RAB40B: variants seen among roughly 807,000 people sequenced by gnomAD.
RAB40B encodes the protein ras-related protein Rab-40B.
A neutral mutation model predicts 24.0 loss-of-function variants in RAB40B; 21 were observed. The observed-to-expected ratio is 0.88, with a 90% confidence interval of 0.62 to 1.26. RAB40B has a LOEUF of 1.26. RAB40B is among the 50% of genes most tolerant of loss of function. The pLI, the probability that RAB40B is intolerant of heterozygous loss-of-function variation, is 0.00. For synonymous variants in RAB40B, 167 were observed against 169.8 expected, an observed-to-expected ratio of 0.98 and a Z score of 0.13; for missense variants, 348 against 390.5, an observed-to-expected ratio of 0.89 and a Z score of 0.92.
intron 3 of RAB40B, 88 bp from the exon 4 acceptor site, chr17:82,659,745 C>T: frequency 9.9e-7 from 1 of 1,006,384 alleles, no homozygotes; most frequent in South Asian, 1.4e-5. Context: ...ACTAAATAAC[C>T]ACTTTCCTTA....
At chr17:82,664,407 C>G in intron 2 of RAB40B, 89 bp downstream of exon 2, 1 of 1,346,592 alleles carries the variant, frequency 7.4e-7, no homozygotes, top group Non-Finnish European at 1.0e-6. Flanking sequence ...TGGGTGCTCC[C>G]CGGGGCACTG....
chr17:82,658,946 C>T (rs1598292174), intron 4 of RAB40B: 2 of 521,716 alleles, frequency 3.8e-6, no homozygotes, highest in Non-Finnish European at 6.8e-6. Flanking sequence ...AGAGAAGACA[C>T]AGACACTCGG....
At chr17:82,673,457 C>G (rs1023327676) in intron 1 of RAB40B, among the ~76,000 whole-genome samples, 2 of 8,188 alleles carry the variant, frequency 2.4e-4, no homozygotes, top group Non-Finnish European at 4.5e-4. Flanking sequence ...ATCCTTCCCT[C>G]TCTTAAGCTG....
At chr17:82,687,858 G>A (rs985151926) in intron 1 of RAB40B, among the ~76,000 whole-genome samples, 4 of 152,284 alleles carry the variant, frequency 2.6e-5, no homozygotes, top group African/African-American at 9.6e-5. Context: ...GATCGCTTGA[G>A]CCCAGAAATT....
Position 82,657,680 on chromosome 17 carries a change from A to G in RAB40B, c.*183T>C. The G allele has an allele frequency of 1.3e-6, 1 of 763,508 alleles. No individual in the cohort carries two copies. Among genetic ancestry groups the G allele is most frequent in the South Asian group, 1.4e-5 (1 of 71,548 alleles). The allele number at this position is 763,508 out of a possible 1,614,324, so 47.3% of individuals were successfully genotyped here. On this transcript the variant is annotated 3_prime_UTR_variant, in exon 6 of 6. Coordinates refer to ENST00000571995, the MANE Select transcript of RAB40B (RefSeq NM_006822.3). ...CACATCGAAAACAAGAGCTTCATGC[A>G]CATCCACGTAGAAATTCGAAGTCCG... is the stretch of plus-strand genomic sequence containing the variant.
rs1421995345 is a variant in RAB40B, at chr17:82,667,882, G to A, written c.143-3326C>T. On this transcript the variant is annotated intron_variant, in intron 1 of 5. Transcript: ENST00000571995. This position sits in a 1 kb window ranked among gnomAD's most constrained non-coding sequence, Gnocchi z 4.3. ...CTGAGCTGGCCAAACGTTTGCCACC[G>A]AGCCCAGCAGGCACGCTGAGTGCAC... 6.6e-6 allele frequency among the ~76,000 whole-genome samples: 1 copy of A among 152,154 alleles called. No homozygotes were observed. Among genetic ancestry groups the A allele is most frequent in the African/African-American group, 2.4e-5 (1 of 41,442 alleles).
chr17:82,686,338 C>T (rs2046501754), intron 1 of RAB40B, among the ~76,000 whole-genome samples: 1 of 151,922 alleles, frequency 6.6e-6, no homozygotes, highest in South Asian at 2.1e-4. Flanking sequence ...TCTCGAACTC[C>T]TGACCTCAAG....
chr17:82,695,724 A>G (rs2046602828), intron 1 of RAB40B, among the ~76,000 whole-genome samples: 1 of 151,866 alleles, frequency 6.6e-6, no homozygotes, highest in Non-Finnish European at 1.5e-5. Flanking sequence ...AAAATAAAAA[A>G]CAAAACATAA....
In RAB40B at chr17:82,657,348, T is replaced by G. The variant is rs1287574311; in HGVS notation, c.*515A>C. 2 of 179,808 alleles carry G rather than the reference T, an allele frequency of 1.1e-5. No homozygotes were observed. Among genetic ancestry groups the G allele is most frequent in the South Asian group, 1.1e-4 (1 of 9,068 alleles). 11.1% of individuals were successfully genotyped at this position (179,808 alleles called of 1,614,324 possible). A position where few individuals can be genotyped will look rare whatever the true frequency, so the allele number is the denominator to read the frequency against. ...ACTAGCAAAAACTTTATCAAATCCA[T>G]TTCATACACAAACTGGACAGATCAG... On this transcript the variant is annotated 3_prime_UTR_variant, in exon 6 of 6. Coordinates refer to ENST00000571995, the MANE Select transcript of RAB40B (RefSeq NM_006822.3).
intron 1 of RAB40B, among the ~76,000 whole-genome samples, chr17:82,665,702 AC>A (rs1224471483): frequency 3.9e-5 from 6 of 152,210 alleles, no homozygotes; most frequent in Middle Eastern, 3.4e-3. Flanking sequence ...CCCCATCTCT[AC>A]TAAAAATTCA....
At chr17:82,666,919 CG>C (rs1321349800) in intron 1 of RAB40B, among the ~76,000 whole-genome samples, 1 of 152,156 alleles carries the variant, frequency 6.6e-6, no homozygotes, top group Non-Finnish European at 1.5e-5. Flanking sequence ...CGGCTGTGAT[CG>C]GATGTTGAGT....
intron 1 of RAB40B, among the ~76,000 whole-genome samples, chr17:82,680,093 C>T (rs1458746255): frequency 1.3e-5 from 2 of 152,278 alleles, no homozygotes; most frequent in African/African-American, 4.8e-5. Flanking sequence ...AAGGGGGCAG[C>T]TGTCCTCGGG....
At chr17:82,658,800 C>T (rs2046122603) in intron 4 of RAB40B, 87 bp from the exon 5 acceptor site, 3 of 1,234,966 alleles carry the variant, frequency 2.4e-6, no homozygotes, top group South Asian at 1.5e-5. Flanking sequence ...GGTCGAGGAA[C>T]CCCCCACGAG....
chr17:82,688,996 G>A (rs1450475186), intron 1 of RAB40B, among the ~76,000 whole-genome samples: 1 of 152,186 alleles, frequency 6.6e-6, no homozygotes, highest in Non-Finnish European at 1.5e-5. Context: ...TTATGCCCAA[G>A]CCCTTTGGAT....
Position 82,663,660 on chromosome 17 carries a change from C to T in RAB40B, c.203+836G>A, listed in dbSNP as rs926097521. Among the ~76,000 whole-genome samples the T allele has an allele frequency of 4.6e-5, 7 of 152,070 alleles. No homozygotes were observed. The highest frequency in any genetic ancestry group is 2.1e-4 in the South Asian group (1 of 4,834). ...CCTCCCCACGTCTGGGTCCTCCACC[C>T]GCAGGCCCGACCACAGCCCCGCTGG... On this transcript the variant is annotated intron_variant, in intron 2 of 5. Transcript: ENST00000571995. The surrounding 1 kb of genome is among the most constrained non-coding windows in gnomAD (Gnocchi z 6.2).
intron 1 of RAB40B, among the ~76,000 whole-genome samples, chr17:82,676,725 T>C (rs2046398360): frequency 6.6e-6 from 1 of 152,052 alleles, no homozygotes; most frequent in Admixed American, 6.6e-5. Flanking sequence ...CCTCCTGGAT[T>C]CAAGCGATTC....
intron 3 of RAB40B, among the ~76,000 whole-genome samples, chr17:82,659,975 G>A (rs2046141448): frequency 6.6e-6 from 1 of 152,254 alleles, no homozygotes; most frequent in South Asian, 2.1e-4. Flanking sequence ...TGGATGGATT[G>A]CACGCATACA....
intron 1 of RAB40B, 67 bp downstream of exon 1, chr17:82,698,388 C>CCA: frequency 4.2e-6 from 2 of 479,800 alleles, no homozygotes; most frequent in Non-Finnish European, 5.8e-6. Flanking sequence ...CCCGCACCCC[C>CCA]TCCCCAGCCC....
chr17:82,691,278 C>A (rs2046554840), intron 1 of RAB40B, among the ~76,000 whole-genome samples: 1 of 152,120 alleles, frequency 6.6e-6, no homozygotes, highest in African/African-American at 2.4e-5. Flanking sequence ...GAAGAAACAG[C>A]CAGGAGAAAG....
Sources: allele counts gnomAD v4.1 joint callset (sites outside exome capture counted in the v4.1 genomes callset), GRCh38; gene constraint gnomAD v4.1.1; non-coding constraint Gnocchi (gnomAD v3.1); transcripts MANE v1.5; gene names NCBI Gene and HGNC (gene_info 2026-07-23, HGNC 2026-07-21).